The following C8orf76 variants were observed in gnomAD, a reference collection of about 807,000 sequenced individuals.
The protein encoded by C8orf76 is chromosome 8 open reading frame 76.
C8orf76 carries 46 observed loss-of-function variants against 38.1 expected under a neutral mutation model. That is an observed-to-expected ratio of 1.21 (90% confidence interval 0.95 to 1.54). The LOEUF (loss-of-function observed/expected upper bound fraction) is 1.54, where lower values mean the gene tolerates loss of function less well. Ranked by LOEUF, C8orf76 falls within the 40% of genes most tolerant of loss-of-function variation. C8orf76 has a pLI of 0.00. For synonymous variants in C8orf76, 166 were observed against 167.5 expected (o/e 0.99, Z 0.07); for missense variants, 461 against 441.6 (o/e 1.04, Z -0.39).
chr8:123,228,172 T>C (rs1825115044), intron 4 of C8orf76, among the ~76,000 whole-genome samples: 1 of 152,218 alleles, frequency 6.6e-6, no homozygotes, highest in African/African-American at 2.4e-5. Flanking sequence ...CACCAAGTCC[T>C]GTCTATTCTA....
At position 123,239,040 on chromosome 8, in the gene C8orf76, G is replaced by GA. The variant is rs1228905616; in HGVS notation, c.213+8dup. 6.2e-7 allele frequency: 1 copy of GA among 1,613,856 alleles called. No homozygotes were observed. The highest frequency in any genetic ancestry group is 8.5e-7 in the Non-Finnish European group (1 of 1,179,844). The stretch of plus-strand genomic sequence containing the variant: ...GAGCCCACTTCAAGCACCATATGTT[G>GA]AATTCTACCTGATACTCTTGTCGTC... On this transcript the variant is annotated intron_variant, in intron 2 of 5. Transcript: ENST00000276704.
intron 3 of C8orf76, among the ~76,000 whole-genome samples, chr8:123,237,227 C>T (rs921571): frequency 6.6e-6 from 1 of 152,358 alleles, no homozygotes; most frequent in African/African-American, 2.4e-5. Context: ...GAAGGCTCTT[C>T]CTTCCCCAAA....
chr8:123,237,035 C>T lies in C8orf76; in HGVS notation c.357+763G>A, dbSNP rs577436899. On this transcript the variant is annotated intron_variant, in intron 3 of 5. Transcript: ENST00000276704. ...CAACATCCAGAAGGAGTCCACCCTG[C>T]ACCTGGTGCTGCGCCTGCGAGGTGG... The T allele has an allele frequency of 2.1e-6, 3 of 1,409,076 alleles. No individual in the cohort carries two copies. The East Asian group carries it at 6.9e-5, about 32-fold the overall frequency. The allele number at this position is 1,409,076 out of a possible 1,614,324, so 87.3% of individuals were successfully genotyped here. A position where few individuals can be genotyped will look rare whatever the true frequency, so the allele number is the denominator to read the frequency against.
At position 123,241,285 on chromosome 8, in the gene C8orf76, G is replaced by A. The variant is rs751918954; in HGVS notation, c.62C>T (p.Pro21Leu). 3 of 1,580,616 alleles carry A rather than the reference G, an allele frequency of 1.9e-6. No individual in the cohort carries two copies. Among genetic ancestry groups the A allele is most frequent in the Non-Finnish European group, 2.6e-6 (3 of 1,168,052 alleles). The change falls in exon 1 of 6, where the codon CCG becomes CTG. Residue 21 changes from proline (P) to leucine (L), a missense_variant. Physicochemically the swap from Pro to Leu is moderately conservative, Grantham distance 98. Transcript: ENST00000276704. ...EFEDSVFEER[P>L]ERRSGPPASY... Reference sequence around the variant, plus strand: ...CGCGGGCGGTCCTGACCGCCGCTCCGGCCTCTCCTCGAACACCGAGTCCTC... The same window carrying A: ...CGCGGGCGGTCCTGACCGCCGCTCCAGCCTCTCCTCGAACACCGAGTCCTC...
chr8:123,227,779 GGAAAGAAAT>G (rs777572154), intron 4 of C8orf76, among the ~76,000 whole-genome samples: 2 of 152,152 alleles, frequency 1.3e-5, no homozygotes, highest in Non-Finnish European at 2.9e-5. Flanking sequence ...TGCAGGCCAT[GGAAAGAAAT>G]GCGGAATTGA....
intron 5 of C8orf76, among the ~76,000 whole-genome samples, chr8:123,225,308 A>G (rs938719766): frequency 1.3e-5 from 2 of 152,114 alleles, no homozygotes; most frequent in African/African-American, 4.8e-5. Context: ...GAGTAGTTCC[A>G]TTTTAGACAT....
intron 4 of C8orf76, among the ~76,000 whole-genome samples, chr8:123,228,054 T>C (rs2131140587): frequency 6.6e-6 from 1 of 152,284 alleles, no homozygotes; most frequent in South Asian, 2.1e-4. Context: ...TCCTCCCAGA[T>C]GTCCTATCTC....
chr8:123,236,426 CCTTT>C (rs1414268932), intron 3 of C8orf76, among the ~76,000 whole-genome samples: 2 of 152,136 alleles, frequency 1.3e-5, no homozygotes, highest in Non-Finnish European at 2.9e-5. Context: ...GAAAGAACTA[CCTTT>C]CTTTATCCCT....
Position 123,236,905 on chromosome 8 carries a change from G to A in C8orf76, c.357+893C>T, listed in dbSNP as rs991744683. ...GCAAGACCATCACCCTTGAGATCGA[G>A]CCCAGCAACGCCAAAATTCAGGACA... On this transcript the variant is annotated intron_variant, in intron 3 of 5. Transcript: ENST00000276704. 9 of 1,137,962 alleles carry A rather than the reference G, an allele frequency of 7.9e-6. No individual in the cohort carries two copies. In the African/African-American group the frequency reaches 1.2e-4, roughly 15 times the overall value. The allele number at this position is 1,137,962 out of a possible 1,614,324, so 70.5% of individuals were successfully genotyped here. A position where few individuals can be genotyped will look rare whatever the true frequency, so the allele number is the denominator to read the frequency against.
At chr8:123,238,736 T>C (rs1482219630) in intron 2 of C8orf76, 2 of 202,232 alleles carry the variant, frequency 9.9e-6, no homozygotes, top group Non-Finnish European at 2.0e-5. Context: ...TTTGGGGTGA[T>C]TTGCTCCTGT....
At chr8:123,233,181 C>A (rs1371088945) in intron 3 of C8orf76, among the ~76,000 whole-genome samples, 3 of 151,598 alleles carry the variant, frequency 2.0e-5, no homozygotes, top group African/African-American at 7.3e-5. Context: ...CCACCACACC[C>A]AGCTAATTTT....
intron 3 of C8orf76, among the ~76,000 whole-genome samples, chr8:123,234,083 A>T (rs530869468): frequency 6.6e-6 from 1 of 151,926 alleles, no homozygotes; most frequent in African/African-American, 2.4e-5. Context: ...GAATACTGCA[A>T]CTCTTTCTGT....
At chr8:123,235,903 G>A (rs1417766688) in intron 3 of C8orf76, among the ~76,000 whole-genome samples, 1 of 152,190 alleles carries the variant, frequency 6.6e-6, no homozygotes, top group East Asian at 1.9e-4. Context: ...CTACAGAAAG[G>A]CACCGGAAGG....
intron 4 of C8orf76, among the ~76,000 whole-genome samples, chr8:123,227,983 C>T (rs1321421736): frequency 1.3e-5 from 2 of 152,112 alleles, no homozygotes; most frequent in African/African-American, 4.8e-5. Context: ...ACTCCAGGCA[C>T]CCGCGACTCG....
At chr8:123,231,809 T>C (rs781737466) in intron 3 of C8orf76, 52 bp from the exon 4 acceptor site, 13 of 1,511,124 alleles carry the variant, frequency 8.6e-6, no homozygotes, top group Admixed American at 6.8e-5. Flanking sequence ...GCATTTTCCA[T>C]ATAAAATGAG....
chr8:123,231,235 A>C, intron 4 of C8orf76, 65 bp downstream of exon 4: 1 of 1,509,234 alleles, frequency 6.6e-7, no homozygotes, highest in Non-Finnish European at 8.8e-7. Context: ...GAAGCTTAAA[A>C]TTAGAAAATA....
chr8:123,234,646 C>G (rs1045675075), intron 3 of C8orf76, among the ~76,000 whole-genome samples: 12 of 152,044 alleles, frequency 7.9e-5, no homozygotes, highest in Admixed American at 7.2e-4. Context: ...GCGGGCACCT[C>G]TAATCCCAGC....
intron 4 of C8orf76, among the ~76,000 whole-genome samples, chr8:123,230,204 C>T (rs1453650763): frequency 6.6e-6 from 1 of 151,962 alleles, no homozygotes; most frequent in African/African-American, 2.4e-5. Context: ...TTCTCCCTAC[C>T]CTTCCCTCAA....
intron 3 of C8orf76, among the ~76,000 whole-genome samples, chr8:123,236,297 T>A (rs1238314546): frequency 6.6e-6 from 1 of 152,216 alleles, no homozygotes; most frequent in Non-Finnish European, 1.5e-5. Flanking sequence ...CAGTGTCTCC[T>A]TAATTTCCTC....
Sources: gnomAD v4.1 joint callset for allele counts (sites outside exome capture counted in the v4.1 genomes callset) on GRCh38, gnomAD v4.1.1 for gene constraint, MANE v1.5 for transcripts, NCBI Gene and HGNC (gene_info 2026-07-23, HGNC 2026-07-21) for gene names.